The following B4GALNT3 variants were observed in gnomAD, a reference collection of about 807,000 sequenced individuals.
B4GALNT3 encodes beta-1,4-N-acetyl-galactosaminyltransferase 3.
Under a neutral mutation model 120.2 loss-of-function variants are expected in B4GALNT3, and 86 were observed. The ratio of observed to expected loss-of-function variants is 0.72; its 90% CI spans 0.60 to 0.86. The LOEUF is 0.86. B4GALNT3 is among the 40% of genes least tolerant of loss of function. The pLI is 0.00. For missense variants in B4GALNT3, 1,167 were observed against 1,298.9 expected, an observed-to-expected ratio of 0.90 and a Z score of 1.56; for synonymous variants, 518 against 510.4, an observed-to-expected ratio of 1.01 and a Z score of -0.20.
intron 1 of B4GALNT3, among the ~76,000 whole-genome samples, chr12:510,709 C>T (rs1242202827): frequency 6.6e-6 from 1 of 152,054 alleles, no homozygotes; most frequent in African/African-American, 2.4e-5. Context: ...TAGGGATGGT[C>T]ACAATTAAAC....
chr12:545,072 C>A, intron 5 of B4GALNT3, 100 bp downstream of exon 5: 1 of 1,486,178 alleles, frequency 6.7e-7, no homozygotes, highest in Non-Finnish European at 9.0e-7. Flanking sequence ...GGACTAACTT[C>A]CTGTTAGTCC....
At position 557,687 on chromosome 12, in the gene B4GALNT3, C is replaced by T. The variant is rs760620324; in HGVS notation, c.2460C>T (p.Phe820=). Reference sequence around the variant, plus strand: ...TCCAGGTCACCGGTGACCCACACTTCAACATCGTCATCACTGACTATAGCA... The same window carrying T: ...TCCAGGTCACCGGTGACCCACACTTTAACATCGTCATCACTGACTATAGCA... The part of the protein sequence containing the change: ...NLFQVTGDPH[F]NIVITDYSSE... The change falls in exon 16 of 20, where the codon TTC becomes TTT. Residue 820 remains phenylalanine (F), a synonymous_variant. Transcript: ENST00000266383. 6.2e-7 allele frequency: 1 copy of T among 1,609,508 alleles called. No individual in the cohort carries two copies.
intron 13 of B4GALNT3, chr12:552,778 G>A: frequency 1.8e-6 from 1 of 548,898 alleles, no homozygotes; most frequent in Non-Finnish European, 3.2e-6. Context: ...GAGCCCGGGG[G>A]AGGTTACTTG....
In B4GALNT3 at chr12:542,577, G is replaced by A. The variant is rs566593798; in HGVS notation, c.352-1762G>A. ...GGGAGGGGAGGACATGGGGTGATCC[G>A]AGGCCCACTGTCAGGATGATTGGCA... On this transcript the variant is annotated intron_variant, in intron 3 of 19. Coordinates refer to ENST00000266383, the MANE Select transcript of B4GALNT3 (RefSeq NM_173593.4). Among the ~76,000 whole-genome samples, 180 of 151,388 alleles carry A rather than the reference G, an allele frequency of 1.2e-3. 1 individual carries two copies. Among genetic ancestry groups the A allele is most frequent in the African/African-American group, 4.1e-3 (170 of 41,258 alleles).
chr12:477,093 C>T (rs1946193102), intron 1 of B4GALNT3, among the ~76,000 whole-genome samples: 2 of 152,196 alleles, frequency 1.3e-5, no homozygotes, highest in South Asian at 4.1e-4. Flanking sequence ...CTTTAATCAA[C>T]CTGCCCATAT....
intron 1 of B4GALNT3, among the ~76,000 whole-genome samples, chr12:468,665 G>C (rs1443929416): frequency 2.0e-5 from 3 of 152,240 alleles, no homozygotes; most frequent in African/African-American, 4.8e-5. Context: ...TCAACATGAA[G>C]ATCTATGGCT....
intron 1 of B4GALNT3, among the ~76,000 whole-genome samples, chr12:479,084 T>TA (rs1300299356): frequency 1.1e-4 from 16 of 152,220 alleles, no homozygotes; most frequent in Non-Finnish European, 1.8e-4. Flanking sequence ...TCAAGGCTTC[T>TA]GACTCAGCTC....
At chr12:560,923 G>A (rs184821534) in intron 19 of B4GALNT3, among the ~76,000 whole-genome samples, 76 of 151,928 alleles carry the variant, frequency 5.0e-4, no homozygotes, top group East Asian at 2.5e-3. Flanking sequence ...GCCTTCCTCC[G>A]TCTATGACGT....
chr12:461,930 A>G (rs1213017122), intron 1 of B4GALNT3, among the ~76,000 whole-genome samples: 1 of 152,166 alleles, frequency 6.6e-6, no homozygotes, highest in Non-Finnish European at 1.5e-5. Context: ...ATGATCTCCA[A>G]GGTGTCTTTC....
At chr12:545,058 G>T in intron 5 of B4GALNT3, 86 bp downstream of exon 5, 2 of 1,530,230 alleles carry the variant, frequency 1.3e-6, no homozygotes, top group South Asian at 2.5e-5. Flanking sequence ...GTTATAGGTA[G>T]ACTGGACTAA....
At chr12:535,137 C>G in intron 1 of B4GALNT3, 29 bp from the exon 2 acceptor site, 1 of 1,591,366 alleles carries the variant, frequency 6.3e-7, no homozygotes, top group African/African-American at 1.3e-5. Context: ...TTACGCTGAC[C>G]TGAGGGCTCC....
intron 12 of B4GALNT3, 132 bp from the exon 13 acceptor site, chr12:552,332 CACA>C (rs1565610348): frequency 1.8e-5 from 16 of 908,408 alleles, no homozygotes; most frequent in East Asian, 5.0e-5. Flanking sequence ...CACACACACA[CACA>C]CCCGCTCACC....
chr12:499,660 ACTAT>A (rs1014415171), intron 1 of B4GALNT3, among the ~76,000 whole-genome samples: 22 of 117,346 alleles, frequency 1.9e-4, no homozygotes, highest in Non-Finnish European at 6.9e-5. Flanking sequence ...CCGTGCTCTC[ACTAT>A]CTACTAGCCC....
At chr12:530,442 C>G (rs1188238197) in intron 1 of B4GALNT3, among the ~76,000 whole-genome samples, 2 of 152,212 alleles carry the variant, frequency 1.3e-5, no homozygotes, top group Non-Finnish European at 2.9e-5. Context: ...CCAATGCCAG[C>G]CTGGGCAGCG....
chr12:558,543 C>T lies in B4GALNT3; in HGVS notation c.2643C>T (p.His881=). Residue 881 remains histidine (H), a synonymous_variant, in exon 18 of 20, where the codon CAC becomes CAT. Coordinates refer to ENST00000266383, the MANE Select transcript of B4GALNT3 (RefSeq NM_173593.4). ...GCATCATCTTCCTCTGTGACCTCCA[C>T]ATCCACTTCCCAGCTGGAGTCATCG... ...PHSIIFLCDL[H]IHFPAGVIDA... is the part of the protein sequence containing the mutation. 1.2e-6 allele frequency: 2 copies of T among 1,614,186 alleles called. No individual in the cohort carries two copies. The highest frequency in any genetic ancestry group is 1.7e-6 in the Non-Finnish European group (2 of 1,180,018).
chr12:560,326 C>T (rs1947214396), intron 19 of B4GALNT3, among the ~76,000 whole-genome samples: 1 of 152,176 alleles, frequency 6.6e-6, no homozygotes, highest in African/African-American at 2.4e-5. Flanking sequence ...AAAATGCATC[C>T]ACCAGTCACT....
At chr12:514,011 C>G (rs867005224) in intron 1 of B4GALNT3, among the ~76,000 whole-genome samples, 8 of 152,150 alleles carry the variant, frequency 5.3e-5, no homozygotes, top group Non-Finnish European at 8.8e-5. Flanking sequence ...AATAATGCTG[C>G]GCTGAGGCTT....
At chr12:549,997 A>G in intron 10 of B4GALNT3, 85 bp downstream of exon 10, 10 of 1,434,444 alleles carry the variant, frequency 7.0e-6, no homozygotes, top group Non-Finnish European at 8.5e-6. Flanking sequence ...GGCTTGAGAG[A>G]CCTGCCAAGT....
At chr12:467,481 C>T (rs996012485) in intron 1 of B4GALNT3, among the ~76,000 whole-genome samples, 6 of 152,174 alleles carry the variant, frequency 3.9e-5, no homozygotes, top group Admixed American at 1.3e-4. Context: ...GTCGCTTGAA[C>T]CTGGGAAGCA....
Sources: allele counts gnomAD v4.1 joint callset (sites outside exome capture counted in the v4.1 genomes callset), GRCh38; gene constraint gnomAD v4.1.1; transcripts MANE v1.5; gene names NCBI Gene and HGNC (gene_info 2026-07-23, HGNC 2026-07-21).